The following AHCTF1 variants were observed in gnomAD, a reference collection of about 807,000 sequenced individuals.
The protein encoded by AHCTF1 is AT-hook containing transcription factor 1, also known as protein ELYS.
In AHCTF1, 24 loss-of-function variants were observed where a neutral mutation model predicts 248.4. That is an observed-to-expected ratio of 0.10 (90% CI 0.07 to 0.14). AHCTF1 has a LOEUF of 0.14. Among genes scored for constraint, AHCTF1 ranks in the 10% least tolerant of loss-of-function variants. The pLI is 1.00. For missense variants in AHCTF1, 2,206 were observed against 2,636.2 expected (o/e 0.84, Z 3.57); for synonymous variants, 786 against 929.8 (o/e 0.85, Z 2.81).
chr1:246,850,679 G>A lies in AHCTF1; in HGVS notation c.5327C>T (p.Thr1776Ile), dbSNP rs751285402. 1.2e-6 allele frequency: 2 copies of A among 1,613,936 alleles called. No homozygotes were observed. The highest frequency in any genetic ancestry group is 2.2e-5 in the South Asian group (2 of 91,072). Residue 1776 changes from threonine to isoleucine, a missense_variant, in exon 33 of 36, where the codon ACT (threonine) becomes ATT (isoleucine). Thr to Ile is a moderately conservative substitution (Grantham distance 89, BLOSUM62 -1). Coordinates refer to ENST00000648844, the MANE Select transcript of AHCTF1 (RefSeq NM_001323342.2). ...KMPGQSVRKK[T>I]RKAKEISEAS... is the part of the protein sequence containing the mutation. ...TTCAGAAATTTCTTTTGCCTTCCTA[G>A]TTTTCTTCCTGACTGACTGCCCTGG... is the stretch of plus-strand genomic sequence containing the variant.
At position 246,912,323 on chromosome 1, in the gene AHCTF1, A is replaced by G. The variant is rs548410265; in HGVS notation, c.556+909T>C. Among the ~76,000 whole-genome samples, 98 of 152,114 alleles carry G rather than the reference A, an allele frequency of 6.4e-4. 1 individual carries two copies. The South Asian group carries it at 0.019, about 30-fold the overall frequency. On this transcript the variant is annotated intron_variant, in intron 4 of 35. Coordinates refer to ENST00000648844, the MANE Select transcript of AHCTF1 (RefSeq NM_001323342.2). ...AACCCCATCTCTACTAAAAAAAAAA[A>G]AATACAAAAATTAGCCAGGCATGGT...
rs55998210 is a variant in AHCTF1, at chr1:246,909,394, CAAAAAAAAAAAAAAAAA to C, written c.557-1653_557-1637del. ...ATTGCGCCACTGCACTCCAGCCTCTCAAAAAAAAAAAAAAAAAAAAAAAAAAAAATTTGCATGCTGCT... is the reference window on the plus strand; with the variant it reads ...ATTGCGCCACTGCACTCCAGCCTCTCAAAAAAAAAAAATTTGCATGCTGCT... On this transcript the variant is annotated intron_variant, in intron 4 of 35. Coordinates refer to ENST00000648844, the MANE Select transcript of AHCTF1 (RefSeq NM_001323342.2). Among the ~76,000 whole-genome samples, 338 of 62,392 alleles carry C rather than the reference CAAAAAAAAAAAAAAAAA, an allele frequency of 5.4e-3. 1 individual carries two copies. Among genetic ancestry groups the C allele is most frequent in the Non-Finnish European group, 8.2e-3 (284 of 34,674 alleles). The allele number at this position is 62,392 out of a possible 152,430, so 40.9% of individuals were successfully genotyped here.
chr1:246,916,044 T>C (rs1255956097), intron 3 of AHCTF1, 98 bp downstream of exon 3: 6 of 1,356,132 alleles, frequency 4.4e-6, no homozygotes, highest in South Asian at 3.0e-5. Context: ...ATTGTAAATG[T>C]TGCGGGTCAG....
At chr1:246,926,366 C>G (rs1666918320) in intron 1 of AHCTF1, among the ~76,000 whole-genome samples, 2 of 152,172 alleles carry the variant, frequency 1.3e-5, no homozygotes, top group Non-Finnish European at 2.9e-5. Flanking sequence ...CTGTCTTCCT[C>G]CCTTTCATAT....
At chr1:246,858,188 T>C (rs1340120766) in intron 29 of AHCTF1, among the ~76,000 whole-genome samples, 3 of 152,054 alleles carry the variant, frequency 2.0e-5, no homozygotes, top group Non-Finnish European at 2.9e-5. Flanking sequence ...CTCGATCTCC[T>C]GACCTCGTGA....
At chr1:246,916,047 C>T (rs530693930) in intron 3 of AHCTF1, 95 bp downstream of exon 3, 43 of 1,361,774 alleles carry the variant, frequency 3.2e-5, no homozygotes, top group Middle Eastern at 1.9e-4. Flanking sequence ...GTAAATGTTG[C>T]GGGTCAGTGA....
At chr1:246,855,222 C>G (rs973240338) in intron 31 of AHCTF1, among the ~76,000 whole-genome samples, 2 of 152,180 alleles carry the variant, frequency 1.3e-5, no homozygotes, top group African/African-American at 4.8e-5. Context: ...TCTGCTTCCC[C>G]TGAATCCAAC....
At chr1:246,903,481 CTAATT>C (rs1277600867) in intron 7 of AHCTF1, among the ~76,000 whole-genome samples, 1 of 152,144 alleles carries the variant, frequency 6.6e-6, no homozygotes, top group East Asian at 1.9e-4. Flanking sequence ...AAACAGATCT[CTAATT>C]TAAATTACTT....
Position 246,876,165 on chromosome 1 carries a change from C to T in AHCTF1, c.2960G>A (p.Arg987Gln), listed in dbSNP as rs921136803. The change falls in exon 24 of 36, where the codon CGG becomes CAG. Residue 987 changes from arginine to glutamine, a missense_variant. By Grantham distance (43) the Arg-to-Gln change is conservative. This residue lies in a region of AHCTF1 where 955 missense variants were observed against 1,055.6 expected (regional missense o/e 0.90). Transcript: ENST00000648844. ...AGAATTTCGAGCCAGTGATCTCTCC[C>T]GCAAACGAGGATCACGATCATTCTA... ...NVMNDRDPRLRERSLARNSIL... is the reference protein window; with the variant it reads ...NVMNDRDPRLQERSLARNSIL... The T allele has an allele frequency of 7.5e-6, 12 of 1,597,634 alleles. No individual in the cohort carries two copies. The highest frequency in any genetic ancestry group is 5.1e-5 in the Admixed American group (3 of 58,724).
intron 24 of AHCTF1, among the ~76,000 whole-genome samples, chr1:246,870,723 CAA>C (rs11340560): frequency 0.029 from 3,212 of 110,132 alleles, 37 homozygotes; most frequent in Middle Eastern, 0.038. Flanking sequence ...TATAAAACCT[CAA>C]AAAAAAAAAA....
chr1:246,842,252 T>C (rs1659924690), intron 35 of AHCTF1, among the ~76,000 whole-genome samples: 1 of 152,156 alleles, frequency 6.6e-6, no homozygotes, highest in Non-Finnish European at 1.5e-5. Flanking sequence ...ATTAAGGGTC[T>C]TCTCAAATCT....
intron 21 of AHCTF1, among the ~76,000 whole-genome samples, chr1:246,884,773 A>G (rs1298331539): frequency 1.3e-5 from 2 of 152,234 alleles, no homozygotes; most frequent in Non-Finnish European, 2.9e-5. Context: ...TTGAAGTAAT[A>G]AGACATGAAA....
At chr1:246,907,088 G>A (rs1172676396) in intron 5 of AHCTF1, among the ~76,000 whole-genome samples, 1 of 152,094 alleles carries the variant, frequency 6.6e-6, no homozygotes, top group Non-Finnish European at 1.5e-5. Context: ...ATATACCTAG[G>A]CTAGATGGTA....
At position 246,864,021 on chromosome 1, in the gene AHCTF1, G is replaced by A; in HGVS notation, c.3443C>T (p.Ser1148Phe). 1 of 1,614,112 alleles carries A rather than the reference G, an allele frequency of 6.2e-7. No individual in the cohort carries two copies. The highest frequency in any genetic ancestry group is 1.7e-4 in the Middle Eastern group (1 of 6,060). The change falls in exon 27 of 36, where the codon TCC becomes TTC. Residue 1148 changes from serine (S) to phenylalanine (F), a missense_variant. This residue lies in a region of AHCTF1 where 955 missense variants were observed against 1,055.6 expected (regional missense o/e 0.90). Transcript: ENST00000648844. The stretch of plus-strand genomic sequence containing the variant: ...TTGCGAACTTGAGGGCAGTGAACGG[G>A]ATACTAGGTACAAAGGAGATTTCAT... ...SSMKSPLYLV[S>F]RSLPSSSQLK...
At chr1:246,862,434 T>A (rs1246448130) in intron 27 of AHCTF1, among the ~76,000 whole-genome samples, 1 of 151,266 alleles carries the variant, frequency 6.6e-6, no homozygotes, top group Non-Finnish European at 1.5e-5. Flanking sequence ...GAGCCGAGAT[T>A]GCGCCACTGC....
intron 21 of AHCTF1, among the ~76,000 whole-genome samples, chr1:246,878,232 C>CA (rs1405030911): frequency 1.3e-5 from 2 of 150,778 alleles, no homozygotes; most frequent in African/African-American, 4.9e-5. Context: ...ACCCTAACTA[C>CA]AAAAAAATAC....
Position 246,863,925 on chromosome 1 carries a change from T to G in AHCTF1, c.3539A>C (p.Lys1180Thr). ...AACGCTAGATGCGTAAATACTAACCTTAACTACAAGAGGAGTTTCAAGCAA... is the reference window on the plus strand; with the variant it reads ...AACGCTAGATGCGTAAATACTAACCGTAACTACAAGAGGAGTTTCAAGCAA... ...LHLLETPLVVKKAKSLAMSVT... is the reference protein window; with the variant it reads ...LHLLETPLVVTKAKSLAMSVT... The change falls in exon 27 of 36, where the codon AAG (lysine) becomes ACG (threonine). Residue 1180 changes from lysine (K) to threonine (T), a missense_variant and splice_region_variant. By Grantham distance (78) the Lys-to-Thr change is moderately conservative. Around this residue, in one of 6 missense-constraint regions of AHCTF1, gnomAD observed 955 missense variants for 1,055.6 expected, o/e 0.90. Transcript: ENST00000648844. 6.2e-7 allele frequency: 1 copy of G among 1,613,848 alleles called. No homozygotes were observed. The highest frequency in any genetic ancestry group is 8.5e-7 in the Non-Finnish European group (1 of 1,179,764).
chr1:246,848,737 C>A (rs897616600), intron 33 of AHCTF1, among the ~76,000 whole-genome samples: 1 of 151,858 alleles, frequency 6.6e-6, no homozygotes, highest in African/African-American at 2.4e-5. Context: ...GTAATCCCAG[C>A]TACTAGGGAG....
intron 1 of AHCTF1, among the ~76,000 whole-genome samples, chr1:246,927,722 T>C (rs1470296610): frequency 1.3e-5 from 2 of 152,118 alleles, no homozygotes; most frequent in Admixed American, 6.5e-5. Context: ...ATACTGTTCA[T>C]GGCCGGGCGC....
Sources: allele counts gnomAD v4.1 joint callset (sites outside exome capture counted in the v4.1 genomes callset), GRCh38; gene constraint gnomAD v4.1.1; regional missense constraint gnomAD v4.1.1; transcripts MANE v1.5; gene names NCBI Gene and HGNC (gene_info 2026-07-23, HGNC 2026-07-21).